Variants in TMEM232 observed in about 807,000 individuals in gnomAD.
TMEM232 encodes the protein transmembrane protein 232.
In TMEM232, 80 loss-of-function variants were observed where a neutral mutation model predicts 78.8. The observed-to-expected ratio is 1.01, with a 90% CI of 0.85 to 1.22. The LOEUF is 1.22. Among genes scored for constraint, TMEM232 ranks in the 50% most tolerant of loss-of-function variants. TMEM232 has a pLI of 0.00. For missense variants in TMEM232, 881 were observed against 742.2 expected (o/e 1.19, Z -2.17); for synonymous variants, 297 against 254.3 (o/e 1.17, Z -1.60).
chr5:110,401,214 AT>A (rs11364497), intron 2 of TMEM232, among the ~76,000 whole-genome samples: 13,495 of 151,416 alleles, frequency 0.089, 767 homozygotes, highest in South Asian at 0.17. Context: ...AGAGCGGTTC[AT>A]TTTTTTTAAG....
intron 11 of TMEM232, 134 bp downstream of exon 11, chr5:110,568,313 T>C: frequency 4.3e-6 from 4 of 933,130 alleles, no homozygotes; most frequent in African/African-American, 1.7e-5. Context: ...AGTGTTAAGT[T>C]TTAAAAATAT....
At chr5:110,548,280 A>C (rs1774027051) in intron 11 of TMEM232, among the ~76,000 whole-genome samples, 1 of 150,578 alleles carries the variant, frequency 6.6e-6, no homozygotes. Context: ...AGATATACAT[A>C]CACATAATTA....
intron 2 of TMEM232, among the ~76,000 whole-genome samples, chr5:110,408,699 T>C (rs138239507): frequency 6.6e-6 from 1 of 151,778 alleles, no homozygotes; most frequent in East Asian, 1.9e-4. Context: ...TTAGAAAAAA[T>C]AGAAGACCCA....
intron 1 of TMEM232, among the ~76,000 whole-genome samples, chr5:110,705,387 G>T: frequency 6.6e-6 from 1 of 152,156 alleles, no homozygotes; most frequent in East Asian, 1.9e-4. Context: ...AATCTAAATA[G>T]AAGGAATACT....
intron 1 of TMEM232, among the ~76,000 whole-genome samples, chr5:110,668,299 G>A (rs1043940830): frequency 6.6e-6 from 1 of 152,146 alleles, no homozygotes; most frequent in Non-Finnish European, 1.5e-5. Context: ...CTATTAAAGA[G>A]TTGTGCTTAA....
intron 10 of TMEM232, among the ~76,000 whole-genome samples, chr5:110,599,827 T>C (rs997392427): frequency 1.3e-5 from 2 of 152,096 alleles, no homozygotes; most frequent in Admixed American, 1.3e-4. Flanking sequence ...CTAATAGACA[T>C]CTACAAAACT....
chr5:110,502,330 C>A (rs956288363), intron 12 of TMEM232, among the ~76,000 whole-genome samples: 2 of 152,140 alleles, frequency 1.3e-5, no homozygotes, highest in Admixed American at 1.3e-4. Flanking sequence ...AAGATGCAAA[C>A]TGAAATTTCA....
chr5:110,535,756 C>A (rs1019005707), intron 11 of TMEM232, among the ~76,000 whole-genome samples: 22 of 152,076 alleles, frequency 1.4e-4, no homozygotes, highest in African/African-American at 5.3e-4. Flanking sequence ...GATGTCTTCT[C>A]ATGATATAAT....
chr5:110,700,821 GAT>G (rs1795358693), intron 1 of TMEM232, among the ~76,000 whole-genome samples: 1 of 150,038 alleles, frequency 6.7e-6, no homozygotes, highest in Admixed American at 6.7e-5. Context: ...TAGATAGATA[GAT>G]AGATATAATA....
At chr5:110,502,421 T>C (rs938803199) in intron 12 of TMEM232, among the ~76,000 whole-genome samples, 1 of 152,208 alleles carries the variant, frequency 6.6e-6, no homozygotes, top group Admixed American at 6.5e-5. Context: ...ATAATTAGTA[T>C]AAACCTAGGT....
At chr5:110,607,411 CA>C (rs375877264) in intron 8 of TMEM232, among the ~76,000 whole-genome samples, 6 of 151,920 alleles carry the variant, frequency 3.9e-5, no homozygotes, top group African/African-American at 1.4e-4. Context: ...CTTAGTGTGG[CA>C]GGTGCTGCCT....
At chr5:110,646,790 A>G (rs1445303256) in intron 2 of TMEM232, among the ~76,000 whole-genome samples, 1 of 151,872 alleles carries the variant, frequency 6.6e-6, no homozygotes, top group African/African-American at 2.4e-5. Context: ...CATGTATCTG[A>G]GAAGGTGCTA....
chr5:110,558,901 G>A (rs766931420), intron 11 of TMEM232, among the ~76,000 whole-genome samples: 3 of 152,126 alleles, frequency 2.0e-5, no homozygotes, highest in Admixed American at 6.6e-5. Flanking sequence ...TCTAGGGGCC[G>A]TCTGGGGCCA....
chr5:110,594,213 T>C (rs1398187104), intron 10 of TMEM232, among the ~76,000 whole-genome samples: 1 of 151,914 alleles, frequency 6.6e-6, no homozygotes, highest in East Asian at 2.0e-4. Flanking sequence ...GCTGGGGAAC[T>C]ACCTTCCCTA....
intron 2 of TMEM232, among the ~76,000 whole-genome samples, chr5:110,664,936 C>A (rs1790360101): frequency 6.6e-6 from 1 of 152,274 alleles, no homozygotes; most frequent in Admixed American, 6.5e-5. Context: ...AAACGAAGAA[C>A]CTAACCCCCT....
intron 12 of TMEM232, among the ~76,000 whole-genome samples, chr5:110,518,553 A>G (rs370827796): frequency 6.6e-6 from 1 of 152,200 alleles, no homozygotes; most frequent in African/African-American, 2.4e-5. Flanking sequence ...AAGACTACTA[A>G]AGCCAGCCTG....
chr5:110,591,406 T>C (rs1445647862), intron 10 of TMEM232, among the ~76,000 whole-genome samples: 3 of 152,176 alleles, frequency 2.0e-5, no homozygotes, highest in Non-Finnish European at 4.4e-5. Flanking sequence ...TTCAGTGTCA[T>C]ATGTACCTTA....
At chr5:110,545,408 G>A (rs905008639) in intron 11 of TMEM232, among the ~76,000 whole-genome samples, 1 of 151,870 alleles carries the variant, frequency 6.6e-6, no homozygotes, top group African/African-American at 2.4e-5. Context: ...AAAACTATTT[G>A]TGTTTATTAT....
chr5:110,550,871 T>C (rs1774369983), intron 11 of TMEM232, among the ~76,000 whole-genome samples: 1 of 149,830 alleles, frequency 6.7e-6, no homozygotes, highest in East Asian at 1.9e-4. Flanking sequence ...TATGGAAATG[T>C]TACAGTAAAA....
Sources: gnomAD v4.1 joint callset for allele counts (sites outside exome capture counted in the v4.1 genomes callset) on GRCh38, gnomAD v4.1.1 for gene constraint, MANE v1.5 for transcripts, NCBI Gene and HGNC (gene_info 2026-07-23, HGNC 2026-07-21) for gene names.